CNTN4: variants seen among roughly 807,000 people sequenced by gnomAD.
The protein encoded by CNTN4 is contactin 4.
CNTN4 carries 77 observed loss-of-function variants against 122.5 expected under a neutral mutation model. The ratio of observed to expected loss-of-function variants is 0.63; its 90% CI spans 0.52 to 0.76. The LOEUF is 0.76. CNTN4 is among the 30% of genes least tolerant of loss of function. CNTN4 has a pLI of 0.00. For synonymous variants in CNTN4, 512 were observed against 447.0 expected, an observed-to-expected ratio of 1.15 and a Z score of -1.83; for missense variants, 1,256 against 1,259.1, an observed-to-expected ratio of 1.00 and a Z score of 0.04.
chr3:2,210,110 T>C (rs2038544248), intron 2 of CNTN4, among the ~76,000 whole-genome samples: 1 of 152,122 alleles, frequency 6.6e-6, no homozygotes, highest in African/African-American at 2.4e-5. Flanking sequence ...TATTTGTCTA[T>C]CCAATGTTGT....
intron 4 of CNTN4, among the ~76,000 whole-genome samples, chr3:2,697,986 C>T (rs1023467315): frequency 2.0e-5 from 3 of 152,174 alleles, no homozygotes; most frequent in Non-Finnish European, 2.9e-5. Flanking sequence ...CCAAAAAACA[C>T]CTTGTAACAT....
At chr3:2,300,665 G>A (rs892684470) in intron 2 of CNTN4, among the ~76,000 whole-genome samples, 2 of 141,112 alleles carry the variant, frequency 1.4e-5, no homozygotes, top group Admixed American at 7.6e-5. Context: ...TCTGCCTCCC[G>A]GGTTCAAGCG....
chr3:2,247,149 T>C (rs2040188960), intron 2 of CNTN4, among the ~76,000 whole-genome samples: 1 of 152,048 alleles, frequency 6.6e-6, no homozygotes, highest in Admixed American at 6.6e-5. Flanking sequence ...TAGGTGGATG[T>C]CATACCCAGC....
At chr3:2,204,531 T>C (rs1287033824) in intron 2 of CNTN4, among the ~76,000 whole-genome samples, 1 of 152,194 alleles carries the variant, frequency 6.6e-6, no homozygotes, top group Non-Finnish European at 1.5e-5. Flanking sequence ...AACTTCTGAA[T>C]GGCTTTTGAA....
chr3:2,757,239 C>G (rs2090378781), intron 6 of CNTN4, among the ~76,000 whole-genome samples: 2 of 152,170 alleles, frequency 1.3e-5, no homozygotes, highest in South Asian at 4.1e-4. Flanking sequence ...CAAAGGGTAA[C>G]CTTTCCCTTT....
At chr3:2,273,591 C>T (rs374443003) in intron 2 of CNTN4, among the ~76,000 whole-genome samples, 29 of 152,252 alleles carry the variant, frequency 1.9e-4, no homozygotes, top group African/African-American at 6.0e-4. Flanking sequence ...GTTGGAAGTC[C>T]ATTTCTTGAA....
chr3:3,037,324 A>G lies in CNTN4; in HGVS notation c.2088A>G (p.Glu696=). The part of the protein sequence containing the change: ...SRPSEKRRTE[E]ALPEVTPANV... ...CCTCAGAGAAACGGAGAACAGAAGA[A>G]GCTCGTGAGTAGCACCCGAGATTCA... The change falls in exon 18 of 25, where the codon GAA becomes GAG. Residue 696 remains glutamate (E), a synonymous_variant. Transcript: ENST00000418658. 6.2e-7 allele frequency: 1 copy of G among 1,614,208 alleles called. No individual in the cohort carries two copies. The highest frequency in any genetic ancestry group is 8.5e-7 in the Non-Finnish European group (1 of 1,180,036).
intron 4 of CNTN4, among the ~76,000 whole-genome samples, chr3:2,712,275 A>G (rs1192713050): frequency 1.1e-4 from 16 of 152,202 alleles, no homozygotes. Flanking sequence ...AGTCTTCTGC[A>G]TTATTATATG....
intron 4 of CNTN4, among the ~76,000 whole-genome samples, chr3:2,654,775 G>A (rs1386070820): frequency 6.6e-6 from 1 of 152,162 alleles, no homozygotes; most frequent in Non-Finnish European, 1.5e-5. Flanking sequence ...AGGAGTCCTG[G>A]ATTGCACATT....
At chr3:2,485,027 G>A (rs188178129) in intron 3 of CNTN4, among the ~76,000 whole-genome samples, 571 of 152,310 alleles carry the variant, frequency 3.7e-3, no homozygotes, top group Non-Finnish European at 3.5e-3. Context: ...CACTGGCCCC[G>A]GGCAGTGAGT....
chr3:2,199,256 C>G (rs2037984406), intron 2 of CNTN4, among the ~76,000 whole-genome samples: 1 of 152,114 alleles, frequency 6.6e-6, no homozygotes, highest in Admixed American at 6.6e-5. Context: ...TGACTCCACC[C>G]TCTACTTCCT....
At chr3:2,662,190 G>A (rs2083930464) in intron 4 of CNTN4, among the ~76,000 whole-genome samples, 1 of 152,306 alleles carries the variant, frequency 6.6e-6, no homozygotes, top group Non-Finnish European at 1.5e-5. Context: ...CAAAAATAGG[G>A]GATGTGGAGC....
chr3:2,491,684 AAATCTCTTTAATTAT>A (rs1293931233), intron 3 of CNTN4, among the ~76,000 whole-genome samples: 7 of 152,204 alleles, frequency 4.6e-5, no homozygotes, highest in African/African-American at 1.7e-4. Flanking sequence ...TGTGTAGTTC[AAATCTCTTTAATTAT>A]AGTTTTCATA....
At chr3:2,101,019 A>G (rs1403224058) in intron 2 of CNTN4, among the ~76,000 whole-genome samples, 1 of 152,214 alleles carries the variant, frequency 6.6e-6, no homozygotes, top group African/African-American at 2.4e-5. Flanking sequence ...AGTTTTTTAA[A>G]CAACACTTTT....
intron 4 of CNTN4, among the ~76,000 whole-genome samples, chr3:2,608,226 C>G (rs148550770): frequency 6.3e-4 from 96 of 152,300 alleles, no homozygotes; most frequent in Middle Eastern, 3.4e-3. Flanking sequence ...TTGGAGAAAT[C>G]TGAGGCAGAG....
chr3:2,925,686 G>A lies in CNTN4; in HGVS notation c.1265G>A (p.Gly422Glu). ...LLKRVTLVKV[G>E]GEVVIECKPK... is the part of the protein sequence containing the mutation. ...AAAAGAGTAACTCTTGTCAAAGTGG[G>A]AGGTGAAGTTGTCATTGAGTGTAAG... The change falls in exon 13 of 25, where the codon GGA (glycine) becomes GAA (glutamate). Residue 422 changes from glycine to glutamate, a missense_variant. Physicochemically the swap from Gly to Glu is moderately conservative, Grantham distance 98 (BLOSUM62 -2). Coordinates refer to ENST00000418658, the MANE Select transcript of CNTN4 (RefSeq NM_175607.3). 1 of 1,614,022 alleles carries A rather than the reference G, an allele frequency of 6.2e-7. No homozygotes were observed.
At chr3:2,382,402 G>A (rs1302824473) in intron 3 of CNTN4, among the ~76,000 whole-genome samples, 1 of 152,048 alleles carries the variant, frequency 6.6e-6, no homozygotes, top group East Asian at 1.9e-4. Context: ...TGATCCACCC[G>A]CCTCGGCCTC....
At chr3:2,133,038 T>C (rs1217999371) in intron 2 of CNTN4, among the ~76,000 whole-genome samples, 2 of 152,014 alleles carry the variant, frequency 1.3e-5, no homozygotes, top group Admixed American at 6.6e-5. Flanking sequence ...GTAGGAGGCA[T>C]GCAGAGGGAC....
intron 15 of CNTN4, among the ~76,000 whole-genome samples, chr3:3,029,119 G>A (rs1418564952): frequency 6.6e-6 from 1 of 152,128 alleles, no homozygotes; most frequent in Non-Finnish European, 1.5e-5. Context: ...ATTTTATTGA[G>A]CAATTATAAG....
Sources: gnomAD v4.1 joint callset for allele counts (sites outside exome capture counted in the v4.1 genomes callset) on GRCh38, gnomAD v4.1.1 for gene constraint, MANE v1.5 for transcripts, NCBI Gene and HGNC (gene_info 2026-07-23, HGNC 2026-07-21) for gene names.